COMMD10: variants seen among roughly 807,000 people sequenced by gnomAD.
COMMD10 encodes COMM domain containing 10.
A neutral mutation model predicts 28.9 loss-of-function variants in COMMD10; 33 were observed. That is an observed-to-expected ratio of 1.14 (90% CI 0.87 to 1.53). The LOEUF (loss-of-function observed/expected upper bound fraction) is 1.53, where lower values mean the gene tolerates loss of function less well. Among genes scored for constraint, COMMD10 ranks in the 40% most tolerant of loss-of-function variants. COMMD10 has a pLI of 0.00. For missense variants in COMMD10, 310 were observed against 233.4 expected (o/e 1.33, Z -2.14); for synonymous variants, 110 against 81.7 (o/e 1.35, Z -1.87).
In COMMD10 at chr5:116,269,596, T is replaced by C. The variant is rs1750701158; in HGVS notation, c.511-21921T>C. 3.3e-5 allele frequency among the ~76,000 whole-genome samples: 5 copies of C among 151,924 alleles called. No homozygotes were observed. The South Asian group carries it at 1.0e-3, about 31-fold the overall frequency. On this transcript the variant is annotated intron_variant, in intron 5 of 6. Coordinates refer to ENST00000274458, the MANE Select transcript of COMMD10 (RefSeq NM_016144.4). ...TTTTTATTACATTTATAAAATTATA[T>C]GTTTTAAATTGTATGGTTTTCCCTT...
At chr5:116,211,893 C>G (rs1748975820) in intron 5 of COMMD10, among the ~76,000 whole-genome samples, 1 of 152,098 alleles carries the variant, frequency 6.6e-6, no homozygotes, top group African/African-American at 2.4e-5. Flanking sequence ...AGTGTGATAG[C>G]TAACAGCACA....
chr5:116,114,554 C>T (rs577505067), intron 4 of COMMD10, among the ~76,000 whole-genome samples: 3 of 152,250 alleles, frequency 2.0e-5, no homozygotes, highest in South Asian at 2.1e-4. Flanking sequence ...ACTGTGGGAC[C>T]TCCAGAAGTC....
intron 5 of COMMD10, among the ~76,000 whole-genome samples, chr5:116,175,143 C>T (rs1249267802): frequency 6.6e-6 from 1 of 152,072 alleles, no homozygotes; most frequent in East Asian, 1.9e-4. Context: ...GCATTACTTT[C>T]TATCTCCTTA....
chr5:116,200,427 T>C (rs1035735824), intron 5 of COMMD10, among the ~76,000 whole-genome samples: 1 of 152,120 alleles, frequency 6.6e-6, no homozygotes, highest in African/African-American at 2.4e-5. Flanking sequence ...TTATCTCTTT[T>C]GGTGCTCTGT....
At chr5:116,209,737 C>T (rs570104726) in intron 5 of COMMD10, among the ~76,000 whole-genome samples, 20 of 152,040 alleles carry the variant, frequency 1.3e-4, no homozygotes, top group Non-Finnish European at 2.1e-4. Context: ...TTTCTCCACG[C>T]GTCTCTTAAA....
chr5:116,275,107 C>G (rs780364645), intron 5 of COMMD10, among the ~76,000 whole-genome samples: 8 of 151,852 alleles, frequency 5.3e-5, no homozygotes, highest in African/African-American at 1.9e-4. Flanking sequence ...ACCCATCTTT[C>G]ACTTGCCCAA....
intron 6 of COMMD10, 135 bp from the exon 7 acceptor site, chr5:116,292,316 G>T: frequency 2.2e-6 from 1 of 454,732 alleles, no homozygotes; most frequent in Non-Finnish European, 3.9e-6. Flanking sequence ...TAATTTTATT[G>T]CTATGTGAAT....
intron 5 of COMMD10, among the ~76,000 whole-genome samples, chr5:116,221,057 A>AT (rs1749238130): frequency 6.7e-6 from 1 of 149,460 alleles, no homozygotes; most frequent in South Asian, 2.1e-4. Flanking sequence ...ATTATGAAAC[A>AT]TTAAGTTTTC....
chr5:116,156,713 G>T (rs1182496006), intron 5 of COMMD10, among the ~76,000 whole-genome samples: 3 of 152,098 alleles, frequency 2.0e-5, no homozygotes, highest in Admixed American at 6.6e-5. Context: ...CCTCAAGTTA[G>T]AAGAAGTTCT....
At chr5:116,152,318 C>G (rs957014332) in intron 5 of COMMD10, among the ~76,000 whole-genome samples, 2 of 152,014 alleles carry the variant, frequency 1.3e-5, no homozygotes, top group African/African-American at 4.8e-5. Context: ...TACTAATATT[C>G]TATTGTAGGC....
intron 5 of COMMD10, among the ~76,000 whole-genome samples, chr5:116,281,097 T>G (rs1561407148): frequency 1.3e-5 from 2 of 151,898 alleles, no homozygotes. Flanking sequence ...AATTTAAGGT[T>G]TAAAGCTAAG....
intron 4 of COMMD10, among the ~76,000 whole-genome samples, chr5:116,129,458 GTA>G (rs58157577): frequency 4.9e-5 from 1 of 20,322 alleles, no homozygotes; most frequent in South Asian, 2.3e-3. Flanking sequence ...ATATACATTA[GTA>G]TATATATACT....
intron 4 of COMMD10, among the ~76,000 whole-genome samples, chr5:116,116,876 C>A (rs905779315): frequency 2.0e-5 from 3 of 152,142 alleles, no homozygotes; most frequent in Non-Finnish European, 4.4e-5. Context: ...ATTGTTCAGT[C>A]TGATGGGTTT....
At chr5:116,177,673 C>T (rs761266979) in intron 5 of COMMD10, among the ~76,000 whole-genome samples, 15 of 152,092 alleles carry the variant, frequency 9.9e-5, no homozygotes, top group Non-Finnish European at 2.1e-4. Flanking sequence ...TCATTTTCTT[C>T]TCCTTTGCAT....
intron 5 of COMMD10, among the ~76,000 whole-genome samples, chr5:116,222,367 C>A (rs745359781): frequency 4.6e-5 from 7 of 152,082 alleles, no homozygotes; most frequent in Admixed American, 6.6e-5. Flanking sequence ...AACATGGAAT[C>A]TTTTTAGTAT....
intron 5 of COMMD10, among the ~76,000 whole-genome samples, chr5:116,176,851 G>A (rs1172830782): frequency 2.0e-5 from 3 of 152,092 alleles, no homozygotes; most frequent in East Asian, 1.9e-4. Context: ...GCTATGATAC[G>A]TGAGTAACTA....
intron 5 of COMMD10, among the ~76,000 whole-genome samples, chr5:116,202,342 A>G (rs944832349): frequency 9.9e-5 from 15 of 151,894 alleles, no homozygotes; most frequent in African/African-American, 3.6e-4. Flanking sequence ...GCCACAATAA[A>G]CATACGTGTG....
intron 5 of COMMD10, among the ~76,000 whole-genome samples, chr5:116,176,513 T>A (rs1580522196): frequency 6.6e-6 from 1 of 152,190 alleles, no homozygotes; most frequent in South Asian, 2.1e-4. Context: ...TTCCAAGTCC[T>A]TTAATTTTGT....
At chr5:116,137,602 C>T (rs1374748671) in intron 5 of COMMD10, among the ~76,000 whole-genome samples, 2 of 151,924 alleles carry the variant, frequency 1.3e-5, no homozygotes, top group African/African-American at 2.4e-5. Flanking sequence ...TACTTTTGAG[C>T]TGTTGTACTG....
Sources: allele counts gnomAD v4.1 joint callset (sites outside exome capture counted in the v4.1 genomes callset), GRCh38; gene constraint gnomAD v4.1.1; transcripts MANE v1.5; gene names NCBI Gene and HGNC (gene_info 2026-07-23, HGNC 2026-07-21).